Variants in FHAD1 observed in about 807,000 individuals in gnomAD.
FHAD1 encodes the protein forkhead-associated domain-containing protein 1.
A neutral mutation model predicts 191.3 loss-of-function variants in FHAD1; 146 were observed. That is an observed-to-expected ratio of 0.76 (90% CI 0.67 to 0.88). FHAD1 has a LOEUF of 0.88. Among genes scored for constraint, FHAD1 ranks in the 40% least tolerant of loss-of-function variants. The pLI is 0.00. For missense variants in FHAD1, 1,635 were observed against 1,785.8 expected, an observed-to-expected ratio of 0.92 and a Z score of 1.52; for synonymous variants, 616 against 672.3, an observed-to-expected ratio of 0.92 and a Z score of 1.29.
intron 26 of FHAD1, among the ~76,000 whole-genome samples, chr1:15,373,701 G>C (rs1698766544): frequency 6.6e-6 from 1 of 152,006 alleles, no homozygotes; most frequent in South Asian, 2.1e-4. Context: ...AAAAAATAGA[G>C]AAAAATTAGT....
intron 1 of FHAD1, among the ~76,000 whole-genome samples, chr1:15,250,693 A>G (rs1406811743): frequency 6.6e-6 from 1 of 152,210 alleles, no homozygotes; most frequent in Non-Finnish European, 1.5e-5. Context: ...AGAAACTCCA[A>G]AAGCAGACAT....
intron 20 of FHAD1, among the ~76,000 whole-genome samples, chr1:15,353,702 C>T (rs1322272309): frequency 1.6e-5 from 1 of 61,230 alleles, no homozygotes; most frequent in African/African-American, 7.9e-5. Context: ...AAGACTCCAT[C>T]TCAAAAAAAA....
rs960318818 is a variant in FHAD1 at position 15,275,704 on chromosome 1, G to A, written c.300+3175G>A. ...AAGAAAAAAGGAGGTAGTGAAGAGC[G>A]TCTCTCATCAAATCTCATCTCATTT... On this transcript the variant is annotated intron_variant, in intron 3 of 33. Transcript: ENST00000688493. 7.9e-5 allele frequency among the ~76,000 whole-genome samples: 12 copies of A among 152,158 alleles called. 1 individual carries two copies. In the East Asian group the frequency reaches 1.2e-3, roughly 15 times the overall value.
At chr1:15,363,078 A>G (rs1330670435) in intron 23 of FHAD1, among the ~76,000 whole-genome samples, 1 of 152,200 alleles carries the variant, frequency 6.6e-6, no homozygotes, top group Non-Finnish European at 1.5e-5. Context: ...ATTTATAAAG[A>G]AAAGAGATTC....
chr1:15,320,190 C>T (rs941004347), intron 10 of FHAD1, among the ~76,000 whole-genome samples: 6 of 152,112 alleles, frequency 3.9e-5, no homozygotes, highest in African/African-American at 1.4e-4. Flanking sequence ...TGATTTTTAG[C>T]TTAATTACAC....
intron 23 of FHAD1, chr1:15,363,719 C>G (rs183492977): frequency 4.4e-6 from 2 of 455,556 alleles, no homozygotes; most frequent in Non-Finnish European, 8.8e-6. Context: ...ATGATTTCAA[C>G]TCTCCTGACC....
intron 15 of FHAD1, among the ~76,000 whole-genome samples, chr1:15,339,985 G>A (rs1454977479): frequency 6.6e-6 from 1 of 152,038 alleles, no homozygotes; most frequent in East Asian, 1.9e-4. Context: ...GCCACCATGT[G>A]TTGCTAATTT....
intron 31 of FHAD1, among the ~76,000 whole-genome samples, chr1:15,385,118 A>AAG (rs61035286): frequency 3.3e-5 from 5 of 150,864 alleles, no homozygotes; most frequent in African/African-American, 9.8e-5. Context: ...CAAGGGAAAA[A>AAG]GGGGGAAAAT....
At chr1:15,240,591 A>G (rs1391252097) in intron 1 of FHAD1, among the ~76,000 whole-genome samples, 1 of 148,434 alleles carries the variant, frequency 6.7e-6, no homozygotes, top group African/African-American at 2.5e-5. Context: ...CGATCACATC[A>G]CTGCACTCCC....
chr1:15,308,521 A>G (rs1671250090), intron 6 of FHAD1, 92 bp from the exon 7 acceptor site: 1 of 1,499,952 alleles, frequency 6.7e-7, no homozygotes, highest in South Asian at 1.3e-5. Context: ...CCAAAACTCA[A>G]TCTGAATCTT....
chr1:15,374,703 C>G lies in FHAD1; in HGVS notation c.3577+72C>G, dbSNP rs1558265843. On this transcript the variant is annotated intron_variant, in intron 27 of 33. Transcript: ENST00000688493. ...CTCACTTTGGGGACTGACCAGTTTG[C>G]CAGGACTACCATGTTTTATCTGCAT... 7.2e-6 allele frequency: 11 copies of G among 1,519,490 alleles called. No homozygotes were observed. The East Asian group carries it at 2.7e-4, about 38-fold the overall frequency. 94.1% of individuals were successfully genotyped at this position (1,519,490 alleles called of 1,614,324 possible). A position where few individuals can be genotyped will look rare whatever the true frequency, so the allele number is the denominator to read the frequency against.
At position 15,397,292 on chromosome 1, in the gene FHAD1, TA is replaced by T. The variant is rs1201081615; in HGVS notation, c.4324-2del. 6.9e-6 allele frequency: 10 copies of T among 1,454,284 alleles called. No homozygotes were observed. In the South Asian group the frequency reaches 1.3e-4, roughly 19 times the overall value. 90.1% of individuals were successfully genotyped at this position (1,454,284 alleles called of 1,614,324 possible). On this transcript the variant is annotated splice_polypyrimidine_tract_variant and splice_region_variant and intron_variant, in intron 33 of 33. Transcript: ENST00000688493. The stretch of plus-strand genomic sequence containing the variant: ...TTTGTGTGTTTTTTCTCTTGCTTGT[TA>T]AAGGTTGGAACCAGAAAAGCCTCCC...
intron 14 of FHAD1, among the ~76,000 whole-genome samples, chr1:15,338,274 C>G (rs144261453): frequency 2.1e-3 from 316 of 152,320 alleles, no homozygotes; most frequent in Non-Finnish European, 3.7e-3. Context: ...AAGTTCCTTC[C>G]GGAGGCTCTA....
rs560024775 is a variant in FHAD1, at chr1:15,368,820, C to T, written c.3315-550C>T. The stretch of plus-strand genomic sequence containing the variant: ...GCCAGATGTGGTGGTGCATGCCTGT[C>T]CCAGCTATCTGGGAGGCTGAGGCAG... On this transcript the variant is annotated intron_variant, in intron 25 of 33. Coordinates refer to ENST00000688493, the MANE Select transcript of FHAD1 (RefSeq NM_001391957.1). 7.9e-5 allele frequency among the ~76,000 whole-genome samples: 12 copies of T among 152,290 alleles called. No individual in the cohort carries two copies. In the South Asian group the frequency reaches 1.7e-3, roughly 21 times the overall value.
chr1:15,249,340 G>A (rs988843505), intron 1 of FHAD1, among the ~76,000 whole-genome samples: 5 of 151,720 alleles, frequency 3.3e-5, no homozygotes, highest in African/African-American at 1.2e-4. Flanking sequence ...TACTCTGGAG[G>A]CATTTCCTGT....
intron 27 of FHAD1, 79 bp from the exon 28 acceptor site, chr1:15,375,524 G>A: frequency 7.4e-7 from 1 of 1,357,904 alleles, no homozygotes; most frequent in East Asian, 2.5e-5. Context: ...TAAGTGTCCT[G>A]TAAATAGTTG....
chr1:15,349,507 A>C lies in FHAD1; in HGVS notation c.2454+358A>C, dbSNP rs945291454. Among the ~76,000 whole-genome samples, 6 of 152,318 alleles carry C rather than the reference A, an allele frequency of 3.9e-5. No individual in the cohort carries two copies. In the East Asian group the frequency reaches 1.2e-3, roughly 29 times the overall value. On this transcript the variant is annotated intron_variant, in intron 19 of 33. Transcript: ENST00000688493. ...CAGGAGAGAATCCTGAGTTTCAGCC[A>C]GGGTCAGGGGCTTAGTGAGCATCAT...
intron 21 of FHAD1, among the ~76,000 whole-genome samples, chr1:15,358,694 C>G (rs554777824): frequency 6.6e-6 from 1 of 152,158 alleles, no homozygotes; most frequent in Non-Finnish European, 1.5e-5. Context: ...TGATGAGTGA[C>G]GATTCCACAG....
intron 2 of FHAD1, among the ~76,000 whole-genome samples, chr1:15,271,778 A>G (rs1455871937): frequency 1.3e-5 from 2 of 152,288 alleles, no homozygotes; most frequent in South Asian, 2.1e-4. Context: ...CATGGCTGCC[A>G]CTGGTGAGGG....
Sources: allele counts gnomAD v4.1 joint callset (sites outside exome capture counted in the v4.1 genomes callset), GRCh38; gene constraint gnomAD v4.1.1; transcripts MANE v1.5; gene names NCBI Gene and HGNC (gene_info 2026-07-23, HGNC 2026-07-21).